Variants in SIN3B observed in about 807,000 individuals in gnomAD.
SIN3B encodes paired amphipathic helix protein Sin3b.
In SIN3B, 19 loss-of-function variants were observed where a neutral mutation model predicts 120.2. The observed-to-expected ratio is 0.16, with a 90% confidence interval of 0.11 to 0.23. The LOEUF (loss-of-function observed/expected upper bound fraction) is 0.23. SIN3B is among the 10% of genes least tolerant of loss of function. The pLI, the probability that SIN3B is intolerant of heterozygous loss-of-function variation, is 1.00. For missense variants in SIN3B, 1,073 were observed against 1,573.0 expected (o/e 0.68, Z 5.38); for synonymous variants, 654 against 653.2 (o/e 1.00, Z -0.02).
At chr19:16,875,403 T>G (rs1440576515) in intron 14 of SIN3B, among the ~76,000 whole-genome samples, 1 of 143,648 alleles carries the variant, frequency 7.0e-6, no homozygotes, top group East Asian at 2.1e-4. Context: ...TGGTCTGGTC[T>G]GGTTTGGTCT....
At chr19:16,866,241 C>T in intron 11 of SIN3B, 132 bp from the exon 12 acceptor site, 1 of 819,728 alleles carries the variant, frequency 1.2e-6, no homozygotes, top group Non-Finnish European at 1.9e-6. Flanking sequence ...ACTGCACAGA[C>T]TAGGCTGGGA....
intron 4 of SIN3B, among the ~76,000 whole-genome samples, chr19:16,842,882 G>A (rs1971435460): frequency 6.6e-6 from 1 of 152,192 alleles, no homozygotes; most frequent in African/African-American, 2.4e-5. Flanking sequence ...AGGCAGGTTA[G>A]CCTGGAGGAA....
Position 16,876,751 on chromosome 19 carries a change from C to A in SIN3B, c.2859+173C>A, listed in dbSNP as rs574399036. On this transcript the variant is annotated intron_variant, in intron 16 of 18. Coordinates refer to ENST00000248054, the MANE Select transcript of SIN3B (RefSeq NM_001297595.2). This position sits in a 1 kb window ranked among gnomAD's most constrained non-coding sequence, Gnocchi z 7.1. ...GGGGTTGCCTCCCTCCCTGCTCCCC[C>A]ACCAGGCTCTCTTCTGTGCCCCCTC... Among the ~76,000 whole-genome samples, 2 of 152,166 alleles carry A rather than the reference C, an allele frequency of 1.3e-5. No individual in the cohort carries two copies. The highest frequency in any genetic ancestry group is 2.9e-5 in the Non-Finnish European group (2 of 68,012).
Position 16,878,306 on chromosome 19 carries a change from C to G in SIN3B, c.3078C>G (p.Phe1026Leu), listed in dbSNP as rs2051638991. The change falls in exon 18 of 19, where the codon TTC (phenylalanine) becomes TTG (leucine). Residue 1026 changes from phenylalanine (F) to leucine (L), a missense_variant. By Grantham distance (22) the Phe-to-Leu change is conservative. Around this residue, in one of 7 missense-constraint regions of SIN3B, gnomAD observed 311 missense variants for 400.3 expected, o/e 0.78. Coordinates refer to ENST00000248054, the MANE Select transcript of SIN3B (RefSeq NM_001297595.2). Reference sequence around the variant, plus strand: ...GCGCCTGCGACGTGGACTGCCGCTTCAAGCTCAGCACTCACAAGATGGTGT... The same window carrying G: ...GCGCCTGCGACGTGGACTGCCGCTTGAAGCTCAGCACTCACAAGATGGTGT... ...VESACDVDCR[F>L]KLSTHKMVFI... 6.2e-7 allele frequency: 1 copy of G among 1,611,296 alleles called. No individual in the cohort carries two copies. Among genetic ancestry groups the G allele is most frequent in the Non-Finnish European group, 8.5e-7 (1 of 1,179,226 alleles).
chr19:16,878,764 GCA>G lies in SIN3B; in HGVS notation c.*40_*41del. The G allele has an allele frequency of 3.3e-6, 5 of 1,528,828 alleles. No homozygotes were observed. Among genetic ancestry groups the G allele is most frequent in the Non-Finnish European group, 4.4e-6 (5 of 1,133,980 alleles). 94.7% of individuals were successfully genotyped at this position (1,528,828 alleles called of 1,614,324 possible). The stretch of plus-strand genomic sequence containing the variant: ...GGGCACCGGGCAGGCGCCTCACAGA[GCA>G]CAGACGTGCCCTCGGCCTTGGTCGT... On this transcript the variant is annotated 3_prime_UTR_variant, in exon 19 of 19. Coordinates refer to ENST00000248054, the MANE Select transcript of SIN3B (RefSeq NM_001297595.2).
chr19:16,832,245 T>A (rs949926287), intron 3 of SIN3B, among the ~76,000 whole-genome samples: 7 of 146,488 alleles, frequency 4.8e-5, no homozygotes, highest in Non-Finnish European at 6.0e-5. Flanking sequence ...TCACCCAGGC[T>A]GGAGTGCAGT....
chr19:16,878,782 C>A lies in SIN3B; in HGVS notation c.*55C>A. The A allele has an allele frequency of 1.4e-6, 2 of 1,465,794 alleles. No individual in the cohort carries two copies. Among genetic ancestry groups the A allele is most frequent in the African/African-American group, 1.4e-5 (1 of 71,484 alleles). 90.8% of individuals were successfully genotyped at this position (1,465,794 alleles called of 1,614,324 possible). ...TCACAGAGCACAGACGTGCCCTCGG[C>A]CTTGGTCGTGTCGGGGCCGTTTTCT... On this transcript the variant is annotated 3_prime_UTR_variant, in exon 19 of 19. Coordinates refer to ENST00000248054, the MANE Select transcript of SIN3B (RefSeq NM_001297595.2).
In SIN3B at chr19:16,876,820, A is replaced by T; in HGVS notation, c.2859+242A>T. ...CCTCCTGAGCAAGCGGTTGTGTCCC[A>T]GGGCAGGAGGGGAACCAAGCCACCT... On this transcript the variant is annotated intron_variant, in intron 16 of 18. Transcript: ENST00000248054. This position sits in a 1 kb window ranked among gnomAD's most constrained non-coding sequence, Gnocchi z 7.1. The T allele has an allele frequency of 2.2e-6, 1 of 453,330 alleles. No individual in the cohort carries two copies. The highest frequency in any genetic ancestry group is 3.7e-5 in the East Asian group (1 of 26,712). The allele number at this position is 453,330 out of a possible 1,614,324, so 28.1% of individuals were successfully genotyped here. A position where few individuals can be genotyped will look rare whatever the true frequency, so the allele number is the denominator to read the frequency against.
In SIN3B at chr19:16,856,439, G is replaced by A. The variant is rs368829231; in HGVS notation, c.1058+2178G>A. 6.2e-4 allele frequency among the ~76,000 whole-genome samples: 94 copies of A among 152,252 alleles called. No homozygotes were observed. The East Asian group carries it at 8.1e-3, about 13-fold the overall frequency. ...TGAGAGCTGCAGGTGGGCGCTACCT[G>A]CAGGGCCCTTCAAATACAATAGAAT... On this transcript the variant is annotated intron_variant, in intron 8 of 18. Coordinates refer to ENST00000248054, the MANE Select transcript of SIN3B (RefSeq NM_001297595.2).
Position 16,841,675 on chromosome 19 carries a change from T to G in SIN3B, c.382-93T>G. 5 of 1,246,204 alleles carry G rather than the reference T, an allele frequency of 4.0e-6. No individual in the cohort carries two copies. The South Asian group carries it at 6.3e-5, about 16-fold the overall frequency. 77.2% of individuals were successfully genotyped at this position (1,246,204 alleles called of 1,614,324 possible). Reference sequence around the variant, plus strand: ...ACAGCTTGGCTCCGTGCTGAGTTTTTTCTGTTCCTGTGCAGACAGTGGCTG... The same window carrying G: ...ACAGCTTGGCTCCGTGCTGAGTTTTGTCTGTTCCTGTGCAGACAGTGGCTG... On this transcript the variant is annotated intron_variant, in intron 3 of 18. Coordinates refer to ENST00000248054, the MANE Select transcript of SIN3B (RefSeq NM_001297595.2).
chr19:16,861,908 C>G (rs1231217231), intron 8 of SIN3B, among the ~76,000 whole-genome samples: 5 of 152,150 alleles, frequency 3.3e-5, no homozygotes, highest in African/African-American at 1.2e-4. Flanking sequence ...GCCCTTGAGC[C>G]TGGGCAACAG....
chr19:16,869,153 T>C (rs1421347439), intron 12 of SIN3B, among the ~76,000 whole-genome samples: 3 of 152,146 alleles, frequency 2.0e-5, no homozygotes, highest in Non-Finnish European at 2.9e-5. Context: ...CTTGACGCTG[T>C]CAGACCCCCT....
In SIN3B at chr19:16,878,292, G is replaced by A. The variant is rs200083712; in HGVS notation, c.3064G>A (p.Val1022Met). 18 of 1,608,520 alleles carry A rather than the reference G, an allele frequency of 1.1e-5. No homozygotes were observed. The highest frequency in any genetic ancestry group is 5.0e-5 in the Admixed American group (3 of 59,458). ...RLVGVESACDVDCRFKLSTHK... is the reference protein window; with the variant it reads ...RLVGVESACDMDCRFKLSTHK... ...GGTGGGCGTGGAGAGCGCCTGCGAC[G>A]TGGACTGCCGCTTCAAGCTCAGCAC... Residue 1022 changes from valine to methionine, a missense_variant, in exon 18 of 19, where the codon GTG becomes ATG. This residue lies in a region of SIN3B where 311 missense variants were observed against 400.3 expected (regional missense o/e 0.78). Transcript: ENST00000248054.
chr19:16,842,858 C>G (rs1462653860), intron 4 of SIN3B, among the ~76,000 whole-genome samples: 3 of 152,168 alleles, frequency 2.0e-5, no homozygotes, highest in Non-Finnish European at 4.4e-5. Context: ...CTTGACATAT[C>G]AGTCGGAACC....
chr19:16,866,329 A>AT, intron 11 of SIN3B, 44 bp from the exon 12 acceptor site: 5 of 1,568,180 alleles, frequency 3.2e-6, no homozygotes, highest in Non-Finnish European at 4.3e-6. Flanking sequence ...TTCAGGGAGG[A>AT]TGCCCTGGCT....
intron 16 of SIN3B, chr19:16,877,330 G>A: frequency 1.8e-6 from 1 of 565,222 alleles, no homozygotes; most frequent in Non-Finnish European, 3.2e-6. Context: ...GCTGTGGCCT[G>A]GTTGTGTGAG....
intron 3 of SIN3B, among the ~76,000 whole-genome samples, chr19:16,838,449 T>A: frequency 6.6e-6 from 1 of 152,150 alleles, no homozygotes; most frequent in Non-Finnish European, 1.5e-5. Context: ...GCTGTTGGTG[T>A]CTGGCTTCTC....
intron 8 of SIN3B, among the ~76,000 whole-genome samples, chr19:16,860,406 T>C (rs1971670597): frequency 1.3e-5 from 2 of 152,140 alleles, no homozygotes; most frequent in African/African-American, 4.8e-5. Flanking sequence ...CTGCAGCTTT[T>C]TTGTTGGTCT....
At chr19:16,857,865 CTCTTT>C (rs555825911) in intron 8 of SIN3B, among the ~76,000 whole-genome samples, 105 of 152,132 alleles carry the variant, frequency 6.9e-4, no homozygotes, top group African/African-American at 1.3e-3. Flanking sequence ...CTTTTCTCTT[CTCTTT>C]TCTTTTCTTT....
Sources: gnomAD v4.1 joint callset for allele counts (sites outside exome capture counted in the v4.1 genomes callset) on GRCh38, gnomAD v4.1.1 for gene constraint, gnomAD v4.1.1 regional missense constraint, Gnocchi (gnomAD v3.1) non-coding constraint, MANE v1.5 for transcripts, NCBI Gene and HGNC (gene_info 2026-07-23, HGNC 2026-07-21) for gene names.